Variants in EVI5 observed in about 807,000 individuals in gnomAD.
The protein encoded by EVI5 is ecotropic viral integration site 5 protein homolog.
EVI5 carries 73 observed loss-of-function variants against 112.0 expected under a neutral mutation model. The ratio of observed to expected loss-of-function variants is 0.65; its 90% CI spans 0.54 to 0.79. EVI5 has a LOEUF of 0.79. Ranked by LOEUF, EVI5 falls within the 30% of genes least tolerant of loss-of-function variation. EVI5 has a pLI of 0.00. For missense variants in EVI5, 900 were observed against 968.8 expected, an observed-to-expected ratio of 0.93 and a Z score of 0.94; for synonymous variants, 305 against 319.9, an observed-to-expected ratio of 0.95 and a Z score of 0.50.
intron 13 of EVI5, among the ~76,000 whole-genome samples, chr1:92,662,305 T>C (rs897463531): frequency 6.6e-6 from 1 of 152,186 alleles, no homozygotes; most frequent in African/African-American, 2.4e-5. Context: ...TAACTGCATA[T>C]ATTCTGCATG....
chr1:92,557,671 T>G (rs1380709806), intron 19 of EVI5, among the ~76,000 whole-genome samples: 2 of 152,108 alleles, frequency 1.3e-5, no homozygotes, highest in Non-Finnish European at 2.9e-5. Context: ...CCTTTCAAGT[T>G]CTTTCTTAAA....
chr1:92,541,767 C>T (rs1195921814), intron 19 of EVI5, among the ~76,000 whole-genome samples: 2 of 152,176 alleles, frequency 1.3e-5, no homozygotes, highest in African/African-American at 4.8e-5. Context: ...AAGCGAGTCA[C>T]ATGAATTTTG....
chr1:92,762,113 T>C (rs1681969115), intron 1 of EVI5, among the ~76,000 whole-genome samples: 1 of 152,190 alleles, frequency 6.6e-6, no homozygotes, highest in Admixed American at 6.6e-5. Flanking sequence ...AGAGTAGGAA[T>C]TACAGAAAAA....
intron 14 of EVI5, among the ~76,000 whole-genome samples, chr1:92,634,305 T>G (rs1658204967): frequency 6.6e-6 from 1 of 152,198 alleles, no homozygotes; most frequent in Non-Finnish European, 1.5e-5. Flanking sequence ...CCCCGTCACT[T>G]TCAGGTACAC....
chr1:92,735,225 A>G (rs1677128389), intron 2 of EVI5, among the ~76,000 whole-genome samples: 1 of 152,222 alleles, frequency 6.6e-6, no homozygotes, highest in South Asian at 2.1e-4. Flanking sequence ...ATACTATAAA[A>G]AGGAATCAAC....
intron 19 of EVI5, among the ~76,000 whole-genome samples, chr1:92,548,275 AG>A (rs1323621305): frequency 6.6e-6 from 1 of 152,378 alleles, no homozygotes; most frequent in East Asian, 1.9e-4. Flanking sequence ...GATGCAGAAA[AG>A]GCCTTTGACA....
chr1:92,677,657 T>C (rs564597028), intron 9 of EVI5, among the ~76,000 whole-genome samples: 1 of 152,242 alleles, frequency 6.6e-6, no homozygotes, highest in Non-Finnish European at 1.5e-5. Flanking sequence ...TTCCAATTAA[T>C]AGACATAGGA....
At chr1:92,687,377 A>G (rs1668731164) in intron 9 of EVI5, among the ~76,000 whole-genome samples, 1 of 152,198 alleles carries the variant, frequency 6.6e-6, no homozygotes, top group Non-Finnish European at 1.5e-5. Flanking sequence ...CACACCTTAT[A>G]CAAAAATTAA....
chr1:92,604,403 T>C (rs1392756090), intron 18 of EVI5, among the ~76,000 whole-genome samples: 1 of 151,494 alleles, frequency 6.6e-6, no homozygotes, highest in Admixed American at 6.6e-5. Context: ...AGATATTAGC[T>C]TAGGCCTACA....
chr1:92,628,430 T>C (rs1409604236), intron 14 of EVI5, among the ~76,000 whole-genome samples: 1 of 152,234 alleles, frequency 6.6e-6, no homozygotes, highest in Non-Finnish European at 1.5e-5. Context: ...GTTTTTCCAA[T>C]GTTATCTTCT....
intron 14 of EVI5, among the ~76,000 whole-genome samples, chr1:92,632,574 CT>C (rs1357256244): frequency 6.6e-6 from 1 of 151,940 alleles, no homozygotes; most frequent in African/African-American, 2.4e-5. Context: ...CTCTTTTCTT[CT>C]TTATTAGTCT....
intron 13 of EVI5, among the ~76,000 whole-genome samples, chr1:92,645,687 T>A (rs1224742364): frequency 2.0e-5 from 3 of 152,154 alleles, no homozygotes; most frequent in East Asian, 3.8e-4. Flanking sequence ...AAATATCACA[T>A]CCCCAAATCA....
intron 1 of EVI5, among the ~76,000 whole-genome samples, chr1:92,777,938 T>C (rs919124591): frequency 2.7e-5 from 4 of 147,344 alleles, no homozygotes; most frequent in South Asian, 2.2e-4. Flanking sequence ...TGACGGAGTG[T>C]CACTCTGTCG....
upstream of EVI5, among the ~76,000 whole-genome samples, chr1:92,786,896 C>G (rs1361207465): frequency 6.6e-6 from 1 of 152,218 alleles, no homozygotes; most frequent in Non-Finnish European, 1.5e-5. Flanking sequence ...TCCCTATTTA[C>G]CGGCTTCCTG....
chr1:92,743,226 G>A (rs1438615575), intron 1 of EVI5, among the ~76,000 whole-genome samples: 2 of 152,026 alleles, frequency 1.3e-5, no homozygotes, highest in South Asian at 2.1e-4. Context: ...GGTGGCGAGC[G>A]CCTGTAATCC....
At chr1:92,669,391 T>C (rs369191529) in intron 10 of EVI5, among the ~76,000 whole-genome samples, 20 of 151,522 alleles carry the variant, frequency 1.3e-4, no homozygotes, top group African/African-American at 4.4e-4. Context: ...CTACTAAAAA[T>C]ACAAAAATCA....
intron 18 of EVI5, among the ~76,000 whole-genome samples, chr1:92,578,361 C>T (rs1236009028): frequency 6.6e-6 from 1 of 152,128 alleles, no homozygotes; most frequent in Non-Finnish European, 1.5e-5. Flanking sequence ...GGCATGGCCT[C>T]TTTACCTGTG....
chr1:92,746,412 C>T (rs1018313803), intron 1 of EVI5, among the ~76,000 whole-genome samples: 5 of 152,158 alleles, frequency 3.3e-5, no homozygotes, highest in African/African-American at 1.2e-4. Flanking sequence ...TGCAGCTATA[C>T]ACACTAAAAA....
intron 19 of EVI5, among the ~76,000 whole-genome samples, chr1:92,556,796 A>T (rs745581063): frequency 4.1e-4 from 62 of 152,214 alleles, no homozygotes; most frequent in Non-Finnish European, 7.6e-4. Flanking sequence ...GAATATTCAC[A>T]TAATTTTTTT....
Sources: gnomAD v4.1 joint callset for allele counts (sites outside exome capture counted in the v4.1 genomes callset) on GRCh38, gnomAD v4.1.1 for gene constraint, MANE v1.5 for transcripts, NCBI Gene and HGNC (gene_info 2026-07-23, HGNC 2026-07-21) for gene names.